The following NOS3 variants were observed in gnomAD, a reference collection of about 807,000 sequenced individuals.
NOS3 encodes NOS type III.
Under a neutral mutation model 144.9 loss-of-function variants are expected in NOS3, and 98 were observed. The ratio of observed to expected loss-of-function variants is 0.68; its 90% CI spans 0.57 to 0.80. The LOEUF (loss-of-function observed/expected upper bound fraction) is 0.80. Ranked by LOEUF, NOS3 falls within the 30% of genes least tolerant of loss-of-function variation. The pLI, the probability that NOS3 is intolerant of heterozygous loss-of-function variation, is 0.00. For synonymous variants in NOS3, 714 were observed against 702.4 expected (o/e 1.02, Z -0.26); for missense variants, 1,465 against 1,656.4 (o/e 0.88, Z 2.01).
In NOS3 at chr7:151,014,498, A is replaced by C. The variant is rs1410082058; in HGVS notation, c.*329A>C. ...CAGGAGTATCTTACCTGTAAAGTCTAATCTCTAAATCAAGTATTTATTATT... is the reference window on the plus strand; with the variant it reads ...CAGGAGTATCTTACCTGTAAAGTCTCATCTCTAAATCAAGTATTTATTATT... On this transcript the variant is annotated 3_prime_UTR_variant, in exon 27 of 27. Transcript: ENST00000297494. The C allele has an allele frequency of 3.0e-6, 1 of 329,622 alleles. No homozygotes were observed. The highest frequency in any genetic ancestry group is 2.1e-5 in the African/African-American group (1 of 47,396). The allele number at this position is 329,622 out of a possible 1,614,324, so 20.4% of individuals were successfully genotyped here.
At chr7:150,999,717 G>C (rs1027236273) in intron 9 of NOS3, among the ~76,000 whole-genome samples, 1 of 148,904 alleles carries the variant, frequency 6.7e-6, no homozygotes, top group Non-Finnish European at 1.5e-5. Context: ...GGTGTGTATA[G>C]GCAGTGACTG....
At chr7:151,012,686 T>G in intron 24 of NOS3, 1 of 532,348 alleles carries the variant, frequency 1.9e-6, no homozygotes, top group East Asian at 3.0e-5. Context: ...TAGTAGGTGT[T>G]GACTGGATTG....
Position 151,003,720 on chromosome 7 carries a change from T to C in NOS3, c.1752+1416T>C, listed in dbSNP as rs983474352. ...GTTTCGCCTGCTCTAGAACGGCACC[T>C]AGATGGAAGCACGCAGTGTTGCGGC... On this transcript the variant is annotated intron_variant, in intron 14 of 26. Coordinates refer to ENST00000297494, the MANE Select transcript of NOS3 (RefSeq NM_000603.5). The surrounding 1 kb of genome is among the most constrained non-coding windows in gnomAD (Gnocchi z 4.1). 3.2e-5 allele frequency: 16 copies of C among 500,948 alleles called. No homozygotes were observed. Among genetic ancestry groups the C allele is most frequent in the Non-Finnish European group, 6.3e-5 (16 of 253,768 alleles). The allele number at this position is 500,948 out of a possible 1,614,324, so 31.0% of individuals were successfully genotyped here.
Position 151,010,822 on chromosome 7 carries a change from A to G in NOS3, c.2896+15A>G. 3.1e-6 allele frequency: 5 copies of G among 1,608,696 alleles called. No individual in the cohort carries two copies. The highest frequency in any genetic ancestry group is 1.1e-5 in the South Asian group (1 of 90,260). On this transcript the variant is annotated intron_variant, in intron 22 of 26. Transcript: ENST00000297494. ...CAGGACTCAGGGTGAGGCAACAAGC[A>G]GGAGCAGGCCTGGCCACAGCAGGGT...
chr7:150,996,769 C>T lies in NOS3; in HGVS notation c.426C>T (p.Gly142=), dbSNP rs754281165. The T allele has an allele frequency of 6.2e-7, 1 of 1,611,878 alleles. No individual in the cohort carries two copies. The highest frequency in any genetic ancestry group is 1.3e-5 in the African/African-American group (1 of 74,902). The stretch of plus-strand genomic sequence containing the variant: ...CCACCCCTCTCCTCCCCAGGAGCGG[C>T]TCCCAGGCCCACGAACAGCGGCTTC... ...NQYYSSIKRS[G]SQAHEQRLQE... Residue 142 remains glycine, a synonymous_variant, in exon 5 of 27, where the codon GGC becomes GGT. Transcript: ENST00000297494.
chr7:150,999,021 G>C lies in NOS3; in HGVS notation c.892G>C (p.Asp298His). The change falls in exon 8 of 27, where the codon GAT becomes CAT. Residue 298 changes from aspartate to histidine, a missense_variant. By Grantham distance (81) the Asp-to-His change is moderately conservative (BLOSUM62 -1). Transcript: ENST00000297494. Reference protein sequence around the residue: ...VLPLLLQAPDDPPELFLLPPE... With the variant: ...VLPLLLQAPDHPPELFLLPPE... ...GCCCCTGCTGCTGCAGGCCCCAGAT[G>C]ATCCCCCAGAACTCTTCCTTCTGCC... The C allele has an allele frequency of 6.2e-7, 1 of 1,612,572 alleles. No individual in the cohort carries two copies. The highest frequency in any genetic ancestry group is 8.5e-7 in the Non-Finnish European group (1 of 1,179,890).
chr7:151,010,116 T>G lies in NOS3; in HGVS notation c.2514T>G (p.Gly838=). The change falls in exon 21 of 27, where the codon GGT becomes GGG. Residue 838 remains glycine (G), a splice_region_variant and synonymous_variant. Coordinates refer to ENST00000297494, the MANE Select transcript of NOS3 (RefSeq NM_000603.5). ...AVEQLEKGSP[G]GPPPGWVRDP... ...GAGCTCCCTGTGCACTATCCCCAGG[T>G]GGCCCTCCCCCCGGCTGGGTGCGGG... 6.3e-7 allele frequency: 1 copy of G among 1,586,752 alleles called. No individual in the cohort carries two copies. The highest frequency in any genetic ancestry group is 8.6e-7 in the Non-Finnish European group (1 of 1,158,864).
At chr7:151,013,688 C>T (rs868360113) in intron 25 of NOS3, 36 bp from the exon 26 acceptor site, 1 of 1,503,710 alleles carries the variant, frequency 6.7e-7, no homozygotes, top group Non-Finnish European at 9.0e-7. Context: ...CGCGCCCACC[C>T]CCACCAGGGC....
chr7:151,007,145 T>G lies in NOS3; in HGVS notation c.1981T>G (p.Cys661Gly). ...GLGSRAYPHF[C>G]AFARAVDTRL... ...CGGCTCCCGGGCATACCCCCACTTC[T>G]GCGCCTTTGCTCGTGCCGTGGACAC... Residue 661 changes from cysteine (C) to glycine (G), a missense_variant, in exon 17 of 27, where the codon TGC becomes GGC. Coordinates refer to ENST00000297494, the MANE Select transcript of NOS3 (RefSeq NM_000603.5). 1.9e-6 allele frequency: 3 copies of G among 1,613,986 alleles called. No homozygotes were observed. The highest frequency in any genetic ancestry group is 1.7e-6 in the Non-Finnish European group (2 of 1,179,986).
chr7:150,991,971 G>A (rs1324869097), intron 1 of NOS3, among the ~76,000 whole-genome samples: 2 of 151,554 alleles, frequency 1.3e-5, no homozygotes, highest in Non-Finnish European at 2.9e-5. Context: ...ATTCCAGCCT[G>A]GACAACAAAA....
intron 2 of NOS3, among the ~76,000 whole-genome samples, chr7:150,994,543 A>G (rs565994416): frequency 3.9e-5 from 6 of 152,208 alleles, no homozygotes; most frequent in South Asian, 2.1e-4. Context: ...AAACTGGACC[A>G]TGCAGTTCCC....
At position 151,003,434 on chromosome 7, in the gene NOS3, C is replaced by A. The variant is rs1250975104; in HGVS notation, c.1752+1130C>A. 14 of 1,217,590 alleles carry A rather than the reference C, an allele frequency of 1.1e-5. No homozygotes were observed. Among genetic ancestry groups the A allele is most frequent in the Non-Finnish European group, 1.5e-5 (14 of 951,890 alleles). 75.4% of individuals were successfully genotyped at this position (1,217,590 alleles called of 1,614,324 possible). ...AGCCACTGCACCTGGCCCTCAGTAT[C>A]TTAAGCAAGTTGGAATCTCGTGAAA... On this transcript the variant is annotated intron_variant, in intron 14 of 26. Transcript: ENST00000297494. This position sits in a 1 kb window ranked among gnomAD's most constrained non-coding sequence, Gnocchi z 4.1.
In NOS3 at chr7:151,010,773, C is replaced by T. The variant is rs556239438; in HGVS notation, c.2862C>T (p.His954=). The change falls in exon 22 of 27, where the codon CAC becomes CAT. Residue 954 remains histidine (H), a synonymous_variant. Coordinates refer to ENST00000297494, the MANE Select transcript of NOS3 (RefSeq NM_000603.5). ...CCAGCACCCACCCAGGAGAGATCCA[C>T]CTCACTGTAGCTGTGCTGGCATACA... The part of the protein sequence containing the change: ...SAPSTHPGEI[H]LTVAVLAYRT... 2.9e-5 allele frequency: 46 copies of T among 1,613,372 alleles called. No individual in the cohort carries two copies. The South Asian group carries it at 4.7e-4, about 17-fold the overall frequency.
chr7:151,002,340 GGA>G lies in NOS3; in HGVS notation c.1752+41_1752+42del, dbSNP rs776418122. On this transcript the variant is annotated intron_variant, in intron 14 of 26. Coordinates refer to ENST00000297494, the MANE Select transcript of NOS3 (RefSeq NM_000603.5). The surrounding 1 kb of genome is among the most constrained non-coding windows in gnomAD (Gnocchi z 4.1). Reference sequence around the variant, plus strand: ...CCAGGAAAGGGGCTGCTGGGAATGAGGAGAGACTCAGAATTGGAGTGACTGGG... The same window carrying G: ...CCAGGAAAGGGGCTGCTGGGAATGAGGAGACTCAGAATTGGAGTGACTGGG... 3.6e-6 allele frequency: 4 copies of G among 1,118,022 alleles called. No homozygotes were observed. The highest frequency in any genetic ancestry group is 1.6e-5 in the African/African-American group (1 of 63,938). The allele number at this position is 1,118,022 out of a possible 1,614,324, so 69.3% of individuals were successfully genotyped here.
At position 151,006,799 on chromosome 7, in the gene NOS3, A is replaced by T. The variant is rs531235138; in HGVS notation, c.1821-90A>T. On this transcript the variant is annotated intron_variant, in intron 15 of 26. Transcript: ENST00000297494. ...AGGGCCTTTCCTGTCCCAGAGGCAG[A>T]GACCCTGAAGCCGTCCCTGGGGCTG... The T allele has an allele frequency of 2.2e-3, 2,300 of 1,032,798 alleles. 42 individuals are homozygous for T. In the Admixed American group the frequency reaches 0.037, roughly 17 times the overall value. The allele number at this position is 1,032,798 out of a possible 1,614,324, so 64.0% of individuals were successfully genotyped here. A position where few individuals can be genotyped will look rare whatever the true frequency, so the allele number is the denominator to read the frequency against.
Position 150,995,377 on chromosome 7 carries a change from G to C in NOS3, c.270+63G>C. On this transcript the variant is annotated intron_variant, in intron 3 of 26. Transcript: ENST00000297494. ...AAAGGGTGGGTAAGGCCTGGCCTCA[G>C]ATGGGGCCGGAGAGGGAAGCTCAAC... 2.7e-6 allele frequency: 3 copies of C among 1,098,144 alleles called. No homozygotes were observed. The East Asian group carries it at 7.6e-5, about 28-fold the overall frequency. The allele number at this position is 1,098,144 out of a possible 1,614,324, so 68.0% of individuals were successfully genotyped here.
At position 151,003,743 on chromosome 7, in the gene NOS3, G is replaced by A. The variant is rs745390945; in HGVS notation, c.1752+1439G>A. The A allele has an allele frequency of 1.7e-5, 8 of 477,502 alleles. No individual in the cohort carries two copies. The highest frequency in any genetic ancestry group is 6.0e-5 in the African/African-American group (3 of 49,742). 29.6% of individuals were successfully genotyped at this position (477,502 alleles called of 1,614,324 possible). On this transcript the variant is annotated intron_variant, in intron 14 of 26. Transcript: ENST00000297494. This position sits in a 1 kb window ranked among gnomAD's most constrained non-coding sequence, Gnocchi z 4.1. ...CCTAGATGGAAGCACGCAGTGTTGC[G>A]GCGTCTCCTGCTGAGGCTGTTTTTG...
intron 5 of NOS3, 143 bp downstream of exon 5, chr7:150,997,068 T>C (rs1802447121): frequency 2.8e-6 from 3 of 1,067,168 alleles, no homozygotes; most frequent in South Asian, 3.3e-5. Context: ...ACTGGAAAGG[T>C]AGGGGGACTG....
intron 15 of NOS3, 65 bp from the exon 16 acceptor site, chr7:151,006,823 TG>T: frequency 1.5e-6 from 2 of 1,292,590 alleles, no homozygotes; most frequent in Non-Finnish European, 2.2e-6. Flanking sequence ...TCCCTGGGGC[TG>T]GGGCTGGGCC....
Sources: allele counts gnomAD v4.1 joint callset (sites outside exome capture counted in the v4.1 genomes callset), GRCh38; gene constraint gnomAD v4.1.1; non-coding constraint Gnocchi (gnomAD v3.1); transcripts MANE v1.5; gene names NCBI Gene and HGNC (gene_info 2026-07-23, HGNC 2026-07-21).